The following NIN variants were observed in gnomAD, a reference collection of about 807,000 sequenced individuals.
The protein encoded by NIN is glycogen synthase kinase 3 beta-interacting protein.
NIN carries 137 observed loss-of-function variants against 257.6 expected under a neutral mutation model. The observed-to-expected ratio is 0.53, with a 90% CI of 0.46 to 0.61. NIN has a LOEUF of 0.61. NIN is among the 20% of genes least tolerant of loss of function. NIN has a pLI of 0.00. For missense variants in NIN, 2,439 were observed against 2,501.2 expected (o/e 0.98, Z 0.53); for synonymous variants, 918 against 919.8 (o/e 1.00, Z 0.04).
chr14:50,763,033 A>G (rs748301250), intron 15 of NIN, among the ~76,000 whole-genome samples: 2 of 152,196 alleles, frequency 1.3e-5, no homozygotes, highest in Non-Finnish European at 2.9e-5. Context: ...GCTAAGAATC[A>G]GAGGGGAGGT....
intron 3 of NIN, among the ~76,000 whole-genome samples, chr14:50,812,680 A>G (rs563005722): frequency 2.4e-4 from 36 of 152,278 alleles, no homozygotes; most frequent in African/African-American, 7.2e-4. Context: ...AATAGGGAGG[A>G]AAAGAGGGAC....
chr14:50,740,560 G>C (rs763100938), intron 25 of NIN, among the ~76,000 whole-genome samples: 1 of 152,100 alleles, frequency 6.6e-6, no homozygotes, highest in Non-Finnish European at 1.5e-5. Flanking sequence ...ATGTTGGGCA[G>C]GCTGGTCTTG....
chr14:50,781,056 G>A (rs1311178241), intron 5 of NIN, among the ~76,000 whole-genome samples: 3 of 152,094 alleles, frequency 2.0e-5, no homozygotes, highest in African/African-American at 7.2e-5. Context: ...CTGCCTGTCT[G>A]TCCCTCCACA....
intron 9 of NIN, 185 bp downstream of exon 9, chr14:50,772,116 A>C: frequency 1.9e-6 from 1 of 514,378 alleles, no homozygotes; most frequent in South Asian, 3.5e-5. Flanking sequence ...AAAAACACGG[A>C]AAGTACTTAA....
In NIN at chr14:50,767,990, A is replaced by G. The variant is rs375623762; in HGVS notation, c.1435-1100T>C. ...TAACACATCAACTAAAACCCATAAA[A>G]GTTTTTTTAAAAGGATCTGTATATA... On this transcript the variant is annotated intron_variant, in intron 12 of 30. Coordinates refer to ENST00000530997, the MANE Select transcript of NIN (RefSeq NM_020921.4). Among the ~76,000 whole-genome samples, 130 of 151,840 alleles carry G rather than the reference A, an allele frequency of 8.6e-4. 1 individual carries two copies. The East Asian group carries it at 0.015, about 17-fold the overall frequency.
chr14:50,756,390 G>T, intron 18 of NIN, 102 bp downstream of exon 18: 1 of 1,252,732 alleles, frequency 8.0e-7, no homozygotes, highest in Non-Finnish European at 1.1e-6. Context: ...CTCTCTTCGT[G>T]AAGACTACTA....
At chr14:50,744,094 G>T in intron 23 of NIN, 149 bp downstream of exon 23, 1 of 726,798 alleles carries the variant, frequency 1.4e-6, no homozygotes, top group Non-Finnish European at 2.2e-6. Context: ...CAGGAAGTCT[G>T]GGGTCACAGA....
intron 25 of NIN, 90 bp from the exon 26 acceptor site, chr14:50,739,577 G>C: frequency 8.4e-7 from 1 of 1,185,828 alleles, no homozygotes; most frequent in Non-Finnish European, 1.2e-6. Context: ...CAATGACAAC[G>C]ACTCCTAATA....
intron 23 of NIN, 99 bp downstream of exon 23, chr14:50,744,144 A>T: frequency 7.6e-7 from 1 of 1,323,162 alleles, no homozygotes; most frequent in Non-Finnish European, 1.0e-6. Flanking sequence ...CTGGAACAAC[A>T]GACTACCACA....
At chr14:50,772,076 A>C (rs2042759774) in intron 9 of NIN, 1 of 469,334 alleles carries the variant, frequency 2.1e-6, no homozygotes, top group South Asian at 3.6e-5. Context: ...CAATTGTAAG[A>C]GTATTTCTCA....
intron 20 of NIN, among the ~76,000 whole-genome samples, chr14:50,753,992 A>G (rs150193758): frequency 6.6e-6 from 1 of 152,118 alleles, no homozygotes; most frequent in East Asian, 1.9e-4. Context: ...CACCTTGTCT[A>G]TTTCAAGTGC....
intron 10 of NIN, 137 bp from the exon 11 acceptor site, chr14:50,771,129 T>C (rs556812205): frequency 7.7e-5 from 92 of 1,193,416 alleles, no homozygotes; most frequent in Non-Finnish European, 3.5e-6. Flanking sequence ...AAAAAGGCAC[T>C]CCACCCTTCC....
In NIN at chr14:50,756,786, G is replaced by C; in HGVS notation, c.4244C>G (p.Thr1415Arg). 1 of 1,551,594 alleles carries C rather than the reference G, an allele frequency of 6.4e-7. No homozygotes were observed. Among genetic ancestry groups the C allele is most frequent in the South Asian group, 1.2e-5 (1 of 84,062 alleles). The change falls in exon 18 of 31, where the codon ACA becomes AGA. Residue 1415 changes from threonine to arginine, a missense_variant. Thr to Arg is a moderately conservative substitution (Grantham distance 71, BLOSUM62 -1). Around this residue, in one of 3 missense-constraint regions of NIN, gnomAD observed 2,043 missense variants for 2,050.2 expected, o/e 1.00. Coordinates refer to ENST00000530997, the MANE Select transcript of NIN (RefSeq NM_020921.4). The part of the protein sequence containing the change: ...KAHEIAWLHG[T>R]IQTHQERPRV... ...TGGCCTTTCTTGATGTGTCTGAATTGTTCCATGTAACCAGGCAATTTCATG... is the reference window on the plus strand; with the variant it reads ...TGGCCTTTCTTGATGTGTCTGAATTCTTCCATGTAACCAGGCAATTTCATG...
In NIN at chr14:50,721,331, C is replaced by A; in HGVS notation, c.*2132G>T. The A allele has an allele frequency of 4.8e-6, 1 of 206,330 alleles. No individual in the cohort carries two copies. The highest frequency in any genetic ancestry group is 9.9e-6 in the Non-Finnish European group (1 of 101,058). 12.8% of individuals were successfully genotyped at this position (206,330 alleles called of 1,614,324 possible). A position where few individuals can be genotyped will look rare whatever the true frequency, so the allele number is the denominator to read the frequency against. ...TGTACATTTTATATACACATAAATACAAATTTATAGGAAATAAACAAATTA... is the reference window on the plus strand; with the variant it reads ...TGTACATTTTATATACACATAAATAAAAATTTATAGGAAATAAACAAATTA... On this transcript the variant is annotated 3_prime_UTR_variant, in exon 31 of 31. Transcript: ENST00000530997.
At chr14:50,792,002 A>C (rs2142019944) in intron 5 of NIN, 1 of 152,332 alleles carries the variant, frequency 6.6e-6, no homozygotes, top group East Asian at 1.9e-4. Flanking sequence ...ATGTTCTATA[A>C]ATGGGATGCT....
intron 4 of NIN, among the ~76,000 whole-genome samples, chr14:50,800,048 A>ACACACACC (rs2044026642): frequency 7.0e-6 from 1 of 142,166 alleles, no homozygotes; most frequent in African/African-American, 2.6e-5. Context: ...ACACACACAC[A>ACACACACC]ACTCCCAAGT....
intron 2 of NIN, 22 bp from the exon 3 acceptor site, chr14:50,822,099 G>A: frequency 6.4e-7 from 1 of 1,569,438 alleles, no homozygotes; most frequent in Non-Finnish European, 8.7e-7. Context: ...ACAGAGACAA[G>A]GACAGGTTGT....
At position 50,749,063 on chromosome 14, in the gene NIN, C is replaced by G. The variant is rs537400528; in HGVS notation, c.4951-958G>C. Among the ~76,000 whole-genome samples, 4 of 152,300 alleles carry G rather than the reference C, an allele frequency of 2.6e-5. No homozygotes were observed. The South Asian group carries it at 8.3e-4, about 32-fold the overall frequency. On this transcript the variant is annotated intron_variant, in intron 21 of 30. Coordinates refer to ENST00000530997, the MANE Select transcript of NIN (RefSeq NM_020921.4). Reference sequence around the variant, plus strand: ...TCAAGCTACCTGACTTCAAACTATACTACAAGGCTACAGTAACCAAAACAG... The same window carrying G: ...TCAAGCTACCTGACTTCAAACTATAGTACAAGGCTACAGTAACCAAAACAG...
At chr14:50,746,078 C>A (rs1221279522) in intron 22 of NIN, among the ~76,000 whole-genome samples, 1 of 151,486 alleles carries the variant, frequency 6.6e-6, no homozygotes, top group South Asian at 2.1e-4. Flanking sequence ...TGAATGACAT[C>A]CCCATCATGT....
Sources: gnomAD v4.1 joint callset for allele counts (sites outside exome capture counted in the v4.1 genomes callset) on GRCh38, gnomAD v4.1.1 for gene constraint, gnomAD v4.1.1 regional missense constraint, MANE v1.5 for transcripts, NCBI Gene and HGNC (gene_info 2026-07-23, HGNC 2026-07-21) for gene names.